SPAG16: variants seen among roughly 807,000 people sequenced by gnomAD.
SPAG16 encodes sperm-associated antigen 16 protein.
Under a neutral mutation model 80.4 loss-of-function variants are expected in SPAG16, and 86 were observed. The ratio of observed to expected loss-of-function variants is 1.07; its 90% CI spans 0.90 to 1.28. SPAG16 has a LOEUF of 1.28. SPAG16 is among the 50% of genes most tolerant of loss of function. The pLI, the probability that SPAG16 is intolerant of heterozygous loss-of-function variation, is 0.00. For synonymous variants in SPAG16, 294 were observed against 265.9 expected, an observed-to-expected ratio of 1.11 and a Z score of -1.03; for missense variants, 870 against 765.3, an observed-to-expected ratio of 1.14 and a Z score of -1.61.
chr2:213,918,540 T>C (rs1289413238), intron 11 of SPAG16, among the ~76,000 whole-genome samples: 2 of 152,162 alleles, frequency 1.3e-5, no homozygotes, highest in East Asian at 3.9e-4. Context: ...AGGACTTGCC[T>C]GTGCTGTTCT....
At chr2:213,685,736 A>T (rs1559375387) in intron 10 of SPAG16, among the ~76,000 whole-genome samples, 1 of 152,226 alleles carries the variant, frequency 6.6e-6, no homozygotes, top group Non-Finnish European at 1.5e-5. Context: ...GGATTTAAGA[A>T]GTACAAGAAA....
At chr2:213,858,452 G>T (rs976029811) in intron 10 of SPAG16, among the ~76,000 whole-genome samples, 2 of 152,074 alleles carry the variant, frequency 1.3e-5, no homozygotes, top group Admixed American at 6.5e-5. Flanking sequence ...TAGCAATAAA[G>T]TATTTTTTCA....
chr2:213,667,933 CTATT>C (rs368610907), intron 10 of SPAG16, among the ~76,000 whole-genome samples: 60 of 150,600 alleles, frequency 4.0e-4, no homozygotes, highest in South Asian at 8.4e-4. Context: ...AAAAATTCTA[CTATT>C]TATTTATTTA....
At chr2:214,225,219 G>A (rs1416865646) in intron 15 of SPAG16, among the ~76,000 whole-genome samples, 10 of 152,188 alleles carry the variant, frequency 6.6e-5, no homozygotes, top group Non-Finnish European at 2.9e-5. Context: ...GATGCGTGGA[G>A]CAAGGGAGAT....
chr2:214,099,716 G>A (rs2052861454), intron 13 of SPAG16, among the ~76,000 whole-genome samples: 1 of 151,956 alleles, frequency 6.6e-6, no homozygotes, highest in South Asian at 2.1e-4. Context: ...ATTGGAGAGT[G>A]TTTTGTAATA....
chr2:213,755,159 AG>A (rs2068265504), intron 10 of SPAG16, among the ~76,000 whole-genome samples: 1 of 152,156 alleles, frequency 6.6e-6, no homozygotes, highest in South Asian at 2.1e-4. Context: ...TTGCAGGTTC[AG>A]TGTATTTTTT....
intron 10 of SPAG16, among the ~76,000 whole-genome samples, chr2:213,720,430 A>G (rs2066463208): frequency 2.7e-5 from 4 of 150,460 alleles, no homozygotes; most frequent in African/African-American, 9.8e-5. Flanking sequence ...GATCGAGACT[A>G]TCCTGCCTAA....
chr2:213,641,818 G>T (rs191661503), intron 10 of SPAG16, among the ~76,000 whole-genome samples: 28 of 152,322 alleles, frequency 1.8e-4, no homozygotes, highest in Non-Finnish European at 3.8e-4. Context: ...TTGCCTCACA[G>T]TTCCACATGG....
At chr2:214,132,021 C>T (rs2125499890) in intron 14 of SPAG16, among the ~76,000 whole-genome samples, 1 of 152,202 alleles carries the variant, frequency 6.6e-6, no homozygotes, top group South Asian at 2.1e-4. Flanking sequence ...GTGTGAGATG[C>T]TATGCATGTG....
intron 11 of SPAG16, among the ~76,000 whole-genome samples, chr2:213,894,612 G>T (rs1487902258): frequency 6.6e-6 from 1 of 152,036 alleles, no homozygotes; most frequent in South Asian, 2.1e-4. Flanking sequence ...AATTAGGTAA[G>T]AAAAGGAAAT....
intron 5 of SPAG16, among the ~76,000 whole-genome samples, chr2:213,338,552 CACAT>C (rs1344651765): frequency 6.6e-6 from 1 of 152,130 alleles, no homozygotes; most frequent in African/African-American, 2.4e-5. Context: ...GTTACAAAGA[CACAT>C]GCATGTGTAT....
chr2:213,639,365 C>A (rs1478840104), intron 10 of SPAG16, among the ~76,000 whole-genome samples: 1 of 152,074 alleles, frequency 6.6e-6, no homozygotes, highest in Non-Finnish European at 1.5e-5. Context: ...TAAAGAGATT[C>A]TATTTTGGTA....
At chr2:214,385,880 A>AACTT (rs903201622) in intron 15 of SPAG16, among the ~76,000 whole-genome samples, 4 of 151,796 alleles carry the variant, frequency 2.6e-5, no homozygotes, top group African/African-American at 4.9e-5. Flanking sequence ...AAAAACTCTA[A>AACTT]ACTTATTTTT....
Position 213,364,096 on chromosome 2 carries a change from A to C in SPAG16, c.783A>C (p.Thr261=). 6.6e-7 allele frequency: 1 copy of C among 1,522,882 alleles called. No individual in the cohort carries two copies. The highest frequency in any genetic ancestry group is 8.8e-7 in the Non-Finnish European group (1 of 1,137,216). The allele number at this position is 1,522,882 out of a possible 1,614,324, so 94.3% of individuals were successfully genotyped here. The change falls in exon 8 of 16, where the codon ACA becomes ACC. Residue 261 remains threonine, a synonymous_variant. Transcript: ENST00000331683. The stretch of plus-strand genomic sequence containing the variant: ...TTTAGATTTCTGGACTTCAAGAAAC[A>C]TTGAAGAAACTGCAAAGAGGACATA... ...VVGQISGLQE[T]LKKLQRGHSY...
At chr2:214,378,878 A>G (rs769966803) in intron 15 of SPAG16, among the ~76,000 whole-genome samples, 2 of 152,202 alleles carry the variant, frequency 1.3e-5, no homozygotes, top group Non-Finnish European at 2.9e-5. Flanking sequence ...CCCTTGCTCT[A>G]TAAGGACAGT....
chr2:214,210,828 C>T (rs1403060932), intron 15 of SPAG16, among the ~76,000 whole-genome samples: 1 of 147,630 alleles, frequency 6.8e-6, no homozygotes, highest in Non-Finnish European at 1.5e-5. Flanking sequence ...TACACACACA[C>T]ATGCGCGCGC....
chr2:213,500,848 C>G (rs980938375), intron 10 of SPAG16, among the ~76,000 whole-genome samples: 5 of 152,190 alleles, frequency 3.3e-5, no homozygotes, highest in African/African-American at 1.2e-4. Flanking sequence ...CTTGGGCCTC[C>G]TAGTGTCCAA....
intron 12 of SPAG16, among the ~76,000 whole-genome samples, chr2:213,996,671 C>T (rs749185830): frequency 2.3e-4 from 34 of 149,842 alleles, no homozygotes; most frequent in Non-Finnish European, 4.3e-4. Flanking sequence ...CAGGTTCAAG[C>T]GATTCTCCTG....
In SPAG16 at chr2:214,406,989, A is replaced by G. The variant is rs545374731; in HGVS notation, c.1721-3151A>G. Among the ~76,000 whole-genome samples the G allele has an allele frequency of 3.9e-5, 6 of 152,220 alleles. No homozygotes were observed. The East Asian group carries it at 7.7e-4, about 20-fold the overall frequency. ...AAATAGCAGTTACAAAATTAAATCAATCTTCTCCCTAGACTGTTTATTTTC... is the reference window on the plus strand; with the variant it reads ...AAATAGCAGTTACAAAATTAAATCAGTCTTCTCCCTAGACTGTTTATTTTC... On this transcript the variant is annotated intron_variant, in intron 15 of 15. Coordinates refer to ENST00000331683, the MANE Select transcript of SPAG16 (RefSeq NM_024532.5).
Sources: gnomAD v4.1 joint callset for allele counts (sites outside exome capture counted in the v4.1 genomes callset) on GRCh38, gnomAD v4.1.1 for gene constraint, MANE v1.5 for transcripts, NCBI Gene and HGNC (gene_info 2026-07-23, HGNC 2026-07-21) for gene names.